The following EVI5 variants were observed in gnomAD, a reference collection of about 807,000 sequenced individuals.
The protein encoded by EVI5 is ecotropic viral integration site 5 protein homolog.
Under a neutral mutation model 112.0 loss-of-function variants are expected in EVI5, and 73 were observed. The ratio of observed to expected loss-of-function variants is 0.65; its 90% CI spans 0.54 to 0.79. The LOEUF (loss-of-function observed/expected upper bound fraction) is 0.79, where lower values mean the gene tolerates loss of function less well. Ranked by LOEUF, EVI5 falls within the 30% of genes least tolerant of loss-of-function variation. The pLI, the probability that EVI5 is intolerant of heterozygous loss-of-function variation, is 0.00. For synonymous variants in EVI5, 305 were observed against 319.9 expected (o/e 0.95, Z 0.50); for missense variants, 900 against 968.8 (o/e 0.93, Z 0.94).
chr1:92,510,176 A>C lies in EVI5; in HGVS notation c.*3480T>G, dbSNP rs201758928. ...GTTTCCTTACCATGATTCTTTTAAC[A>C]CCTAATTCCTAATCAGAAATGGTAC... is the stretch of plus-strand genomic sequence containing the variant. On this transcript the variant is annotated 3_prime_UTR_variant, in exon 20 of 20. Coordinates refer to ENST00000684568, the MANE Select transcript of EVI5 (RefSeq NM_001350197.2). The C allele has an allele frequency of 1.3e-5, 2 of 152,228 alleles. No individual in the cohort carries two copies. Among genetic ancestry groups the C allele is most frequent in the African/African-American group, 4.8e-5 (2 of 41,460 alleles). 9.4% of individuals were successfully genotyped at this position (152,228 alleles called of 1,614,324 possible).
upstream of EVI5, among the ~76,000 whole-genome samples, chr1:92,789,900 T>C (rs1275340498): frequency 6.6e-6 from 1 of 152,204 alleles, no homozygotes; most frequent in African/African-American, 2.4e-5. Flanking sequence ...GTGAACAATA[T>C]TCCTCCCTCA....
At chr1:92,663,061 T>C (rs1171623260) in intron 12 of EVI5, among the ~76,000 whole-genome samples, 196 bp from the exon 13 acceptor site, 1 of 152,112 alleles carries the variant, frequency 6.6e-6, no homozygotes, top group Non-Finnish European at 1.5e-5. Flanking sequence ...AACGAAAAAT[T>C]CACCTGACAA....
intron 19 of EVI5, among the ~76,000 whole-genome samples, chr1:92,548,487 T>G (rs1293533653): frequency 6.6e-6 from 1 of 152,182 alleles, no homozygotes; most frequent in Non-Finnish European, 1.5e-5. Flanking sequence ...TGCTGGAAGT[T>G]CTGGCCAGGG....
Position 92,750,491 on chromosome 1 carries a change from A to T in EVI5, c.-81-13864T>A, listed in dbSNP as rs1680012198. ...TCACGAACACGCTGAAAAACACCAC[A>T]ATCATCACACTACACTATACTCTTT... On this transcript the variant is annotated intron_variant, in intron 1 of 19. Coordinates refer to ENST00000684568, the MANE Select transcript of EVI5 (RefSeq NM_001350197.2). 2.0e-5 allele frequency among the ~76,000 whole-genome samples: 3 copies of T among 152,364 alleles called. No homozygotes were observed. In the South Asian group the frequency reaches 6.2e-4, roughly 32 times the overall value.
At chr1:92,595,024 A>G (rs1647341126) in intron 18 of EVI5, among the ~76,000 whole-genome samples, 1 of 152,142 alleles carries the variant, frequency 6.6e-6, no homozygotes, top group Admixed American at 6.5e-5. Context: ...TCAGGGATCT[A>G]GAACTAGAAA....
chr1:92,557,617 G>C (rs993758573), intron 19 of EVI5, among the ~76,000 whole-genome samples: 1 of 151,978 alleles, frequency 6.6e-6, no homozygotes, highest in African/African-American at 2.4e-5. Flanking sequence ...AATTTCTTCA[G>C]GAAGGGTGTT....
chr1:92,620,204 T>C (rs1489424283), intron 16 of EVI5, among the ~76,000 whole-genome samples: 4 of 151,544 alleles, frequency 2.6e-5, no homozygotes, highest in Non-Finnish European at 5.9e-5. Flanking sequence ...ATTAGCCAGG[T>C]GTGGTGGCAC....
chr1:92,606,517 CT>C (rs900606294), intron 17 of EVI5, among the ~76,000 whole-genome samples: 3 of 152,114 alleles, frequency 2.0e-5, no homozygotes, highest in Non-Finnish European at 4.4e-5. Context: ...TAGTCATATC[CT>C]TCAAAAGTGA....
intron 2 of EVI5, among the ~76,000 whole-genome samples, chr1:92,707,092 T>C (rs994222996): frequency 6.7e-6 from 1 of 149,606 alleles, no homozygotes; most frequent in Non-Finnish European, 1.5e-5. Flanking sequence ...GGCAGGAGAA[T>C]TGCTTGAACC....
intron 9 of EVI5, among the ~76,000 whole-genome samples, chr1:92,691,867 TA>T (rs1369536797): frequency 6.6e-6 from 1 of 152,180 alleles, no homozygotes; most frequent in Non-Finnish European, 1.5e-5. Context: ...AGGAATAAGG[TA>T]ATCTGGTGAG....
intron 13 of EVI5, among the ~76,000 whole-genome samples, chr1:92,648,323 A>C (rs1315473703): frequency 6.6e-6 from 1 of 150,672 alleles, no homozygotes; most frequent in Non-Finnish European, 1.5e-5. Flanking sequence ...CAATGAGCAG[A>C]GATCACACCA....
rs1413817414 is a variant in EVI5 at position 92,607,730 on chromosome 1, A to G, written c.1828-3T>C. 2 of 1,574,312 alleles carry G rather than the reference A, an allele frequency of 1.3e-6. No homozygotes were observed. The highest frequency in any genetic ancestry group is 1.7e-6 in the Non-Finnish European group (2 of 1,162,352). On this transcript the variant is annotated splice_region_variant and splice_polypyrimidine_tract_variant and intron_variant, in intron 16 of 19. Coordinates refer to ENST00000684568, the MANE Select transcript of EVI5 (RefSeq NM_001350197.2). Reference sequence around the variant, plus strand: ...AGATGGTTACTATTGATCTGGTTCTAATAATCAGAAATATAAATACTGAGA... The same window carrying G: ...AGATGGTTACTATTGATCTGGTTCTGATAATCAGAAATATAAATACTGAGA...
chr1:92,684,831 G>A (rs1038733155), intron 9 of EVI5, among the ~76,000 whole-genome samples: 4 of 152,026 alleles, frequency 2.6e-5, no homozygotes, highest in Non-Finnish European at 5.9e-5. Flanking sequence ...ATGGTAAAGG[G>A]ATCAATTCAA....
At chr1:92,571,518 C>T (rs1182408819) in intron 18 of EVI5, among the ~76,000 whole-genome samples, 1 of 152,092 alleles carries the variant, frequency 6.6e-6, no homozygotes, top group African/African-American at 2.4e-5. Flanking sequence ...TTATGTTCTA[C>T]ATTTTATGCT....
intron 18 of EVI5, among the ~76,000 whole-genome samples, chr1:92,565,948 CAAAAAAA>C (rs71586755): frequency 1.9e-5 from 1 of 51,858 alleles, no homozygotes; most frequent in East Asian, 7.3e-4. Flanking sequence ...CCAGCCCGAG[CAAAAAAA>C]AAAAAAAAAA....
chr1:92,675,738 C>T (rs765541314), intron 10 of EVI5, among the ~76,000 whole-genome samples: 3 of 151,962 alleles, frequency 2.0e-5, no homozygotes, highest in Admixed American at 6.6e-5. Context: ...AGGTGGATCA[C>T]GAGGTCAGGA....
intron 13 of EVI5, among the ~76,000 whole-genome samples, chr1:92,652,839 C>A (rs1386589423): frequency 6.6e-6 from 1 of 152,168 alleles, no homozygotes; most frequent in Non-Finnish European, 1.5e-5. Flanking sequence ...GTAGAGAACT[C>A]ATGTGAAGAA....
At chr1:92,673,975 C>G (rs1030175894) in intron 10 of EVI5, among the ~76,000 whole-genome samples, 1 of 152,150 alleles carries the variant, frequency 6.6e-6, no homozygotes, top group Non-Finnish European at 1.5e-5. Context: ...ACTTCCATAT[C>G]AAAACATCAA....
At chr1:92,617,271 T>C (rs1653411272) in intron 16 of EVI5, among the ~76,000 whole-genome samples, 1 of 152,150 alleles carries the variant, frequency 6.6e-6, no homozygotes, top group Non-Finnish European at 1.5e-5. Flanking sequence ...GCCAGATGTG[T>C]GATTATATAA....
Sources: allele counts gnomAD v4.1 joint callset (sites outside exome capture counted in the v4.1 genomes callset), GRCh38; gene constraint gnomAD v4.1.1; transcripts MANE v1.5; gene names NCBI Gene and HGNC (gene_info 2026-07-23, HGNC 2026-07-21).